Variants in VCL observed in about 807,000 individuals in gnomAD.
VCL encodes the protein vinculin, also known as epididymis luminal protein 114.
In VCL, 47 loss-of-function variants were observed where a neutral mutation model predicts 125.7. The ratio of observed to expected loss-of-function variants is 0.37; its 90% CI spans 0.30 to 0.48. The LOEUF (loss-of-function observed/expected upper bound fraction) is 0.48. Among genes scored for constraint, VCL ranks in the 20% least tolerant of loss-of-function variants. The pLI, the probability that VCL is intolerant of heterozygous loss-of-function variation, is 0.99. For missense variants in VCL, 1,069 were observed against 1,455.5 expected (o/e 0.73, Z 4.32); for synonymous variants, 458 against 514.6 (o/e 0.89, Z 1.49).
intron 1 of VCL, among the ~76,000 whole-genome samples, chr10:74,042,411 A>T (rs1434748688): frequency 6.6e-6 from 1 of 152,192 alleles, no homozygotes; most frequent in Non-Finnish European, 1.5e-5. Context: ...CCCAGGTATG[A>T]CTTTTTTTAT....
At chr10:74,032,923 T>C (rs1840908698) in intron 1 of VCL, among the ~76,000 whole-genome samples, 1 of 152,120 alleles carries the variant, frequency 6.6e-6, no homozygotes, top group Non-Finnish European at 1.5e-5. Context: ...CCCTCTCATG[T>C]AGCTGCTGCG....
intron 2 of VCL, among the ~76,000 whole-genome samples, chr10:74,060,815 T>C (rs1841468788): frequency 6.6e-6 from 1 of 152,150 alleles, no homozygotes; most frequent in African/African-American, 2.4e-5. Flanking sequence ...GCTCTTTTTT[T>C]CTTACAAAAT....
chr10:74,098,146 T>C (rs989043036), intron 13 of VCL, among the ~76,000 whole-genome samples: 1 of 152,202 alleles, frequency 6.6e-6, no homozygotes, highest in African/African-American at 2.4e-5. Flanking sequence ...CCTCCTTGAA[T>C]TGTATTCCTA....
Position 74,039,205 on chromosome 10 carries a change from G to A in VCL, c.169-3878G>A, listed in dbSNP as rs369427801. ...GGGATTTATAGGCATGAGCCACCAC[G>A]CCCGGCCACGTGGTTTTTATTTCTT... is the stretch of plus-strand genomic sequence containing the variant. On this transcript the variant is annotated intron_variant, in intron 1 of 21. Transcript: ENST00000211998. 8.9e-4 allele frequency among the ~76,000 whole-genome samples: 136 copies of A among 152,214 alleles called. No homozygotes were observed. In the East Asian group the frequency reaches 9.3e-3, roughly 10 times the overall value.
At chr10:74,090,557 T>C (rs180885673) in intron 10 of VCL, among the ~76,000 whole-genome samples, 1 of 152,300 alleles carries the variant, frequency 6.6e-6, no homozygotes, top group East Asian at 1.9e-4. Flanking sequence ...AGGAAAATAA[T>C]TTTTGTGGCT....
At chr10:74,083,245 T>A in intron 7 of VCL, 121 bp from the exon 8 acceptor site, 1 of 1,346,098 alleles carries the variant, frequency 7.4e-7, no homozygotes, top group Non-Finnish European at 1.0e-6. Context: ...ATATGTTGCC[T>A]TCTATTCACT....
intron 1 of VCL, among the ~76,000 whole-genome samples, chr10:74,019,922 G>A (rs1042233924): frequency 5.9e-5 from 9 of 152,034 alleles, no homozygotes; most frequent in Non-Finnish European, 1.3e-4. Flanking sequence ...AATTAGCCGG[G>A]CGTGGTGGCG....
Position 74,111,985 on chromosome 10 carries a change from T to C in VCL, c.2822T>C (p.Val941Ala). The C allele has an allele frequency of 6.2e-7, 1 of 1,614,118 alleles. No homozygotes were observed. ...ADAADAAGFP[V>A]PPDMEDDYEP... ...GCGGCCGATGCTGCTGGCTTCCCTG[T>C]CCCCCCTGACATGGAAGACGATTAC... Residue 941 changes from valine to alanine, a missense_variant, in exon 19 of 22, where the codon GTC (valine) becomes GCC (alanine). Val to Ala is a moderately conservative substitution (Grantham distance 64). Coordinates refer to ENST00000211998, the MANE Select transcript of VCL (RefSeq NM_014000.3).
chr10:74,017,269 G>C (rs1202266717), intron 1 of VCL, among the ~76,000 whole-genome samples: 1 of 151,346 alleles, frequency 6.6e-6, no homozygotes. Flanking sequence ...GGATGGTCTC[G>C]ATCTCCTGAC....
chr10:74,080,079 GA>G (rs1429823471), intron 6 of VCL, among the ~76,000 whole-genome samples: 1 of 152,102 alleles, frequency 6.6e-6, no homozygotes, highest in African/African-American at 2.4e-5. Context: ...GAGAAAAAAA[GA>G]AATGATTTTT....
At chr10:74,103,138 G>C (rs1840085246) in intron 14 of VCL, among the ~76,000 whole-genome samples, 1 of 152,166 alleles carries the variant, frequency 6.6e-6, no homozygotes, top group Non-Finnish European at 1.5e-5. Flanking sequence ...AAAGTGCTGG[G>C]ATTATGGGTA....
chr10:74,066,707 T>C (rs906839652), intron 2 of VCL, among the ~76,000 whole-genome samples: 12 of 151,032 alleles, frequency 7.9e-5, no homozygotes, highest in African/African-American at 2.9e-4. Flanking sequence ...AATCTCACTC[T>C]ATTGCCTAGG....
At chr10:74,029,832 TATG>T (rs1331817445) in intron 1 of VCL, among the ~76,000 whole-genome samples, 1 of 152,174 alleles carries the variant, frequency 6.6e-6, no homozygotes, top group Admixed American at 6.5e-5. Flanking sequence ...TTTTTCTGAT[TATG>T]AAGGCAATAC....
chr10:74,059,454 T>G (rs1841441885), intron 2 of VCL, among the ~76,000 whole-genome samples: 1 of 151,832 alleles, frequency 6.6e-6, no homozygotes, highest in Non-Finnish European at 1.5e-5. Flanking sequence ...ACGAAGGCTG[T>G]AGTGCAGTGG....
chr10:74,022,377 C>T (rs1840686880), intron 1 of VCL, among the ~76,000 whole-genome samples: 1 of 151,708 alleles, frequency 6.6e-6, no homozygotes, highest in South Asian at 2.1e-4. Flanking sequence ...GAAACCCCAT[C>T]TCTACTAAAA....
rs57330455 is a variant in VCL, at chr10:74,052,936, G to GAA, written c.239+9793_239+9794dup. Among the ~76,000 whole-genome samples, 137 of 142,550 alleles carry GAA rather than the reference G, an allele frequency of 9.6e-4. 2 individuals are homozygous for GAA. The highest frequency in any genetic ancestry group is 4.0e-3 in the South Asian group (18 of 4,542). 93.5% of individuals were successfully genotyped at this position (142,550 alleles called of 152,430 possible). A position where few individuals can be genotyped will look rare whatever the true frequency, so the allele number is the denominator to read the frequency against. On this transcript the variant is annotated intron_variant, in intron 2 of 21. Transcript: ENST00000211998. ...AGGATAAACCCTACCTGGCTGTGAT[G>GAA]AAAAAAAAAAATATATATATATATA...
intron 20 of VCL, 27 bp downstream of exon 20, chr10:74,114,414 T>C (rs1591720232): frequency 8.6e-7 from 1 of 1,163,210 alleles, no homozygotes; most frequent in Middle Eastern, 3.1e-4. Flanking sequence ...GCTGCGTGTG[T>C]GTGTGTGTGT....
chr10:74,083,355 C>CT lies in VCL; in HGVS notation c.875-8dup. The stretch of plus-strand genomic sequence containing the variant: ...TCAACAATGTAGTTATTGAATATCT[C>CT]TTTATTTTAGGGGATGCTGGTGAGC... On this transcript the variant is annotated splice_polypyrimidine_tract_variant and intron_variant, in intron 7 of 21. Coordinates refer to ENST00000211998, the MANE Select transcript of VCL (RefSeq NM_014000.3). 2 of 1,613,696 alleles carry CT rather than the reference C, an allele frequency of 1.2e-6. No individual in the cohort carries two copies. Among genetic ancestry groups the CT allele is most frequent in the Non-Finnish European group, 1.7e-6 (2 of 1,179,772 alleles).
intron 1 of VCL, among the ~76,000 whole-genome samples, chr10:74,000,984 C>T (rs141196094): frequency 7.5e-4 from 114 of 152,212 alleles, no homozygotes; most frequent in African/African-American, 2.5e-3. Flanking sequence ...AAGTCACTTC[C>T]AGGTTACAGC....
Sources: allele counts gnomAD v4.1 joint callset (sites outside exome capture counted in the v4.1 genomes callset), GRCh38; gene constraint gnomAD v4.1.1; transcripts MANE v1.5; gene names NCBI Gene and HGNC (gene_info 2026-07-23, HGNC 2026-07-21).